Variants in CD44 observed in about 807,000 individuals in gnomAD.
The protein encoded by CD44 is CD44 antigen.
CD44 carries 49 observed loss-of-function variants against 88.8 expected under a neutral mutation model. The ratio of observed to expected loss-of-function variants is 0.55; its 90% confidence interval spans 0.44 to 0.70. The LOEUF is 0.70. Ranked by LOEUF, CD44 falls within the 30% of genes least tolerant of loss-of-function variation. The pLI, the probability that CD44 is intolerant of heterozygous loss-of-function variation, is 0.00. For missense variants in CD44, 883 were observed against 913.8 expected, an observed-to-expected ratio of 0.97 and a Z score of 0.43; for synonymous variants, 325 against 312.3, an observed-to-expected ratio of 1.04 and a Z score of -0.43.
Position 35,231,623 on chromosome 11 carries a change from T to G in CD44, c.*2290T>G, listed in dbSNP as rs1388434550. The G allele has an allele frequency of 1.3e-5, 2 of 152,200 alleles. No homozygotes were observed. The highest frequency in any genetic ancestry group is 4.8e-5 in the African/African-American group (2 of 41,448). 9.4% of individuals were successfully genotyped at this position (152,200 alleles called of 1,614,324 possible). ...CATTGTCAACGGAGAGCTGGCCAAG[T>G]CTTCACAAACCCTTGCAACATTGCC... On this transcript the variant is annotated 3_prime_UTR_variant, in exon 18 of 18. Transcript: ENST00000428726.
chr11:35,229,296 G>C lies in CD44; in HGVS notation c.2192G>C (p.Arg731Thr), dbSNP rs377420041. 3.1e-6 allele frequency: 5 copies of C among 1,613,598 alleles called. No individual in the cohort carries two copies. In the African/African-American group the frequency reaches 5.3e-5, roughly 17 times the overall value. The stretch of plus-strand genomic sequence containing the variant: ...CAGTTTATGACAGCTGATGAGACAA[G>C]GAACCTGCAGAATGTGGACATGAAG... ...PDQFMTADET[R>T]NLQNVDMKIG... is the part of the protein sequence containing the mutation. The change falls in exon 18 of 18, where the codon AGG becomes ACG. Residue 731 changes from arginine to threonine, a missense_variant. Physicochemically the swap from Arg to Thr is moderately conservative, Grantham distance 71. Transcript: ENST00000428726.
rs963651637 is a variant in CD44 at position 35,172,070 on chromosome 11, G to A, written c.68-4505G>A. Among the ~76,000 whole-genome samples the A allele has an allele frequency of 4.6e-5, 7 of 152,134 alleles. No homozygotes were observed. In the East Asian group the frequency reaches 5.8e-4, roughly 13 times the overall value. ...ACTCTCATAATTAGCAGATGTTATC[G>A]TTCTTTGACCTTCCAGAAAGTTAAC... is the stretch of plus-strand genomic sequence containing the variant. On this transcript the variant is annotated intron_variant, in intron 1 of 17. Transcript: ENST00000428726.
At chr11:35,140,284 G>A (rs934019891) in intron 1 of CD44, among the ~76,000 whole-genome samples, 7 of 152,190 alleles carry the variant, frequency 4.6e-5, no homozygotes, top group South Asian at 4.1e-4. Flanking sequence ...ATTCTAGCAC[G>A]GCTCAACTCC....
intron 10 of CD44, among the ~76,000 whole-genome samples, chr11:35,205,482 G>A (rs907005669): frequency 1.3e-5 from 2 of 152,176 alleles, no homozygotes; most frequent in Non-Finnish European, 2.9e-5. Context: ...TGTAGTTGTT[G>A]CTAAGAGGAT....
rs1471902493 is a variant in CD44, at chr11:35,206,225, C to T, written c.1396C>T (p.Gln466Ter). 5.0e-6 allele frequency: 8 copies of T among 1,609,442 alleles called. No homozygotes were observed. The highest frequency in any genetic ancestry group is 6.8e-6 in the Non-Finnish European group (8 of 1,178,020). Residue 466 changes from glutamine to a stop codon, truncating the protein, a stop_gained, in exon 11 of 18, where the codon CAA (glutamine) becomes TAA (stop). Transcript: ENST00000428726. LOFTEE classifies it high-confidence loss of function. ...PISHPMGRGH[Q>*]AGRRMDMDSS... is the part of the protein sequence containing the mutation. ...CTCACACCCCATGGGACGAGGTCAT[C>T]AAGCAGGAAGAAGGATGGGTAATAG...
chr11:35,139,634 G>A (rs749142186), intron 1 of CD44: 9 of 729,842 alleles, frequency 1.2e-5, no homozygotes, highest in Non-Finnish European at 2.3e-5. Flanking sequence ...TTTGGGCGAG[G>A]TCGCTAGAGC....
At position 35,155,854 on chromosome 11, in the gene CD44, G is replaced by C. The variant is rs796636391; in HGVS notation, c.67+16484G>C. On this transcript the variant is annotated intron_variant, in intron 1 of 17. Transcript: ENST00000428726. ...TCTTCCCTTTTCTACTGCACTCTTA[G>C]AGTGCATTAATGTGTGTGAAGTGTT... 4.6e-5 allele frequency among the ~76,000 whole-genome samples: 7 copies of C among 152,140 alleles called. No homozygotes were observed. The South Asian group carries it at 1.5e-3, about 32-fold the overall frequency.
chr11:35,224,552 C>T (rs546798122), intron 17 of CD44, among the ~76,000 whole-genome samples: 1 of 152,258 alleles, frequency 6.6e-6, no homozygotes, highest in South Asian at 2.1e-4. Flanking sequence ...GCCTGGGCAA[C>T]ATGGCGAAAC....
intron 3 of CD44, among the ~76,000 whole-genome samples, chr11:35,185,789 G>A (rs1181001517): frequency 1.3e-5 from 2 of 152,192 alleles, no homozygotes; most frequent in East Asian, 3.8e-4. Flanking sequence ...TGAGGTTTTA[G>A]AGCTCAATAC....
At position 35,180,292 on chromosome 11, in the gene CD44, G is replaced by T. The variant is rs1377957588; in HGVS notation, c.252G>T (p.Gly84=). The T allele has an allele frequency of 1.9e-6, 3 of 1,614,076 alleles. No homozygotes were observed. In the African/African-American group the frequency reaches 4.0e-5, roughly 22 times the overall value. ...FETCRYGFIE[G]HVVIPRIHPN... is the part of the protein sequence containing the mutation. ...CTTACAGGTATGGGTTCATAGAAGG[G>T]CACGTGGTGATTCCCCGGATCCACC... Residue 84 remains glycine, a synonymous_variant, in exon 3 of 18, where the codon GGG becomes GGT. Transcript: ENST00000428726.
At chr11:35,162,980 C>T (rs353638) in intron 1 of CD44, among the ~76,000 whole-genome samples, 43,132 of 151,884 alleles carry the variant, frequency 0.28, 6,499 homozygotes, top group African/African-American at 0.39. Context: ...GATTGAGTCA[C>T]CAACATGTGA....
intron 4 of CD44, among the ~76,000 whole-genome samples, chr11:35,187,607 G>A (rs1052716392): frequency 6.6e-6 from 1 of 152,116 alleles, no homozygotes; most frequent in East Asian, 1.9e-4. Context: ...AAACTTAAAT[G>A]TAAGAAAAAT....
chr11:35,193,377 C>G (rs1235931350), intron 5 of CD44, among the ~76,000 whole-genome samples: 1 of 152,214 alleles, frequency 6.6e-6, no homozygotes, highest in Non-Finnish European at 1.5e-5. Flanking sequence ...ATTTAGAGGA[C>G]AGAACATACT....
chr11:35,154,860 C>T (rs1180094060), intron 1 of CD44, among the ~76,000 whole-genome samples: 1 of 151,994 alleles, frequency 6.6e-6, no homozygotes, highest in African/African-American at 2.4e-5. Flanking sequence ...TATTACCTCC[C>T]AGGGCAAGAA....
At chr11:35,187,582 G>A (rs1252673262) in intron 4 of CD44, among the ~76,000 whole-genome samples, 1 of 152,110 alleles carries the variant, frequency 6.6e-6, no homozygotes, top group African/African-American at 2.4e-5. Flanking sequence ...GTAAATAGAA[G>A]GCAACCTTAA....
intron 17 of CD44, among the ~76,000 whole-genome samples, chr11:35,225,591 C>G (rs1053003012): frequency 6.6e-6 from 1 of 151,968 alleles, no homozygotes; most frequent in African/African-American, 2.4e-5. Context: ...CTGAGGCAGG[C>G]AGATCATTTG....
At chr11:35,211,495 A>AG in intron 14 of CD44, 46 bp downstream of exon 14, 4 of 1,393,428 alleles carry the variant, frequency 2.9e-6, no homozygotes, top group African/African-American at 1.4e-5. Flanking sequence ...ATATAGAGAA[A>AG]CAATATATAG....
At position 35,214,877 on chromosome 11, in the gene CD44, T is replaced by TG; in HGVS notation, c.1842dup (p.Ser615ValfsTer8). 3.2e-6 allele frequency: 5 copies of TG among 1,559,200 alleles called. No individual in the cohort carries two copies. The highest frequency in any genetic ancestry group is 1.9e-5 in the Admixed American group (1 of 52,104). The stretch of plus-strand genomic sequence containing the variant: ...GAGACCAAGACACATTCCACCCCAG[T>TG]GGGGGGTCCCATACCACTCATGGAT... On this transcript the variant is annotated frameshift_variant, in exon 15 of 18. Coordinates refer to ENST00000428726, the MANE Select transcript of CD44 (RefSeq NM_000610.4). LOFTEE classifies it high-confidence loss of function.
chr11:35,216,470 A>G (rs1000075844), intron 15 of CD44, among the ~76,000 whole-genome samples: 1 of 152,240 alleles, frequency 6.6e-6, no homozygotes, highest in Non-Finnish European at 1.5e-5. Context: ...GGATATTTAC[A>G]TGGTGGCTTC....
Sources: gnomAD v4.1 joint callset for allele counts (sites outside exome capture counted in the v4.1 genomes callset) on GRCh38, gnomAD v4.1.1 for gene constraint, MANE v1.5 for transcripts, NCBI Gene and HGNC (gene_info 2026-07-23, HGNC 2026-07-21) for gene names.